The following FMNL2 variants were observed in gnomAD, a reference collection of about 807,000 sequenced individuals.
FMNL2 encodes the protein formin like 2.
In FMNL2, 51 loss-of-function variants were observed where a neutral mutation model predicts 130.2. The observed-to-expected ratio is 0.39, with a 90% CI of 0.31 to 0.49. FMNL2 has a LOEUF of 0.49. FMNL2 is among the 20% of genes least tolerant of loss of function. FMNL2 has a pLI of 0.85. For synonymous variants in FMNL2, 465 were observed against 467.1 expected (o/e 1.00, Z 0.06); for missense variants, 977 against 1,316.2 (o/e 0.74, Z 3.99).
At position 152,558,755 on chromosome 2, in the gene FMNL2, T is replaced by A. The variant is rs1338135747; in HGVS notation, c.375T>A (p.Phe125Leu). ...RTNHIGWVRE[F>L]LNEENKGLDV... ...TCCCCAACAGATGGGTCAGAGAATT[T>A]CTGAATGAAGAAAACAAAGGTCTTG... The change falls in exon 5 of 26, where the codon TTT (phenylalanine) becomes TTA (leucine). Residue 125 changes from phenylalanine (F) to leucine (L), a missense_variant. Around this residue, in one of 4 missense-constraint regions of FMNL2, gnomAD observed 689 missense variants for 995.9 expected, o/e 0.69. Coordinates refer to ENST00000288670, the MANE Select transcript of FMNL2 (RefSeq NM_052905.4). The A allele has an allele frequency of 6.2e-7, 1 of 1,613,044 alleles. No individual in the cohort carries two copies. Among genetic ancestry groups the A allele is most frequent in the Non-Finnish European group, 8.5e-7 (1 of 1,179,568 alleles).
chr2:152,540,439 A>C (rs1694246832), intron 2 of FMNL2, among the ~76,000 whole-genome samples: 1 of 152,148 alleles, frequency 6.6e-6, no homozygotes, highest in African/African-American at 2.4e-5. Flanking sequence ...GAATAATTAG[A>C]AAAAGTGTGC....
chr2:152,516,046 G>A (rs1331782915), intron 1 of FMNL2, among the ~76,000 whole-genome samples: 2 of 152,084 alleles, frequency 1.3e-5, no homozygotes, highest in African/African-American at 2.4e-5. Flanking sequence ...GTAAATCCTT[G>A]CTTGCACCGT....
At chr2:152,593,838 GGAGAGAGA>G (rs147035875) in intron 9 of FMNL2, among the ~76,000 whole-genome samples, 9 of 85,008 alleles carry the variant, frequency 1.1e-4, no homozygotes, top group Non-Finnish European at 1.6e-4. Flanking sequence ...AGGTGACTAG[GGAGAGAGA>G]GAGAGAGAGA....
At chr2:152,541,693 T>A (rs1274988366) in intron 2 of FMNL2, among the ~76,000 whole-genome samples, 1 of 152,170 alleles carries the variant, frequency 6.6e-6, no homozygotes, top group Non-Finnish European at 1.5e-5. Flanking sequence ...GTGTTACCCC[T>A]TGAGTGTGTA....
At chr2:152,448,884 T>C (rs1276571911) in intron 1 of FMNL2, among the ~76,000 whole-genome samples, 1 of 152,264 alleles carries the variant, frequency 6.6e-6, no homozygotes, top group Non-Finnish European at 1.5e-5. Flanking sequence ...CTCATGCTCT[T>C]GTCCCTTGAA....
At position 152,388,855 on chromosome 2, in the gene FMNL2, GTCTA is replaced by G. The variant is rs544806316; in HGVS notation, c.117+53137_117+53140del. On this transcript the variant is annotated intron_variant, in intron 1 of 25. Transcript: ENST00000288670. ...AATTACTGAGGTCACATCTGTGGATGTCTATGACTGTCTACTTTTTGTTTATAGA... is the reference window on the plus strand; with the variant it reads ...AATTACTGAGGTCACATCTGTGGATGTGACTGTCTACTTTTTGTTTATAGA... Among the ~76,000 whole-genome samples the G allele has an allele frequency of 6.4e-4, 97 of 152,292 alleles. No homozygotes were observed. The East Asian group carries it at 9.5e-3, about 15-fold the overall frequency.
At chr2:152,478,248 ATATTTTTTTT>A (rs1193036000) in intron 1 of FMNL2, among the ~76,000 whole-genome samples, 1 of 75,772 alleles carries the variant, frequency 1.3e-5, no homozygotes, top group Non-Finnish European at 2.8e-5. Flanking sequence ...ATATATATAT[ATATTTTTTTT>A]TTTTTTTTTT....
At chr2:152,358,355 A>G (rs183308269) in intron 1 of FMNL2, among the ~76,000 whole-genome samples, 4 of 152,206 alleles carry the variant, frequency 2.6e-5, no homozygotes, top group African/African-American at 7.2e-5. Flanking sequence ...CTGTGAGTCA[A>G]TTCTGCTAAT....
intron 1 of FMNL2, among the ~76,000 whole-genome samples, chr2:152,436,222 G>A (rs758594048): frequency 2.6e-5 from 4 of 151,830 alleles, no homozygotes; most frequent in African/African-American, 7.3e-5. Context: ...CTGGAGTGCA[G>A]TGGCACTATC....
rs747707769 is a variant in FMNL2, at chr2:152,619,077, C to T, written c.1546C>T (p.Pro516Ser). 6.2e-7 allele frequency: 1 copy of T among 1,613,262 alleles called. No individual in the cohort carries two copies. The highest frequency in any genetic ancestry group is 2.2e-5 in the East Asian group (1 of 44,856). Residue 516 changes from proline to serine, a missense_variant, in exon 14 of 26, where the codon CCC becomes TCC. This residue lies in a region of FMNL2 where 689 missense variants were observed against 995.9 expected (regional missense o/e 0.69). Coordinates refer to ENST00000288670, the MANE Select transcript of FMNL2 (RefSeq NM_052905.4). ...SEVVAGNSVG[P>S]TMGAASSGPL... is the part of the protein sequence containing the mutation. ...AGTGGTAGCAGGTAACTCTGTGGGA[C>T]CCACAATGGGGGCCGCTTCCTCAGG... is the stretch of plus-strand genomic sequence containing the variant.
At chr2:152,437,701 T>C (rs2106116966) in intron 1 of FMNL2, among the ~76,000 whole-genome samples, 1 of 152,334 alleles carries the variant, frequency 6.6e-6, no homozygotes, top group South Asian at 2.1e-4. Flanking sequence ...ATGGCTAGGA[T>C]ACCATGGTAC....
At chr2:152,456,557 G>T (rs1168269580) in intron 1 of FMNL2, among the ~76,000 whole-genome samples, 1 of 152,194 alleles carries the variant, frequency 6.6e-6, no homozygotes. Flanking sequence ...TGCTTCTGAA[G>T]AATGTGATGT....
chr2:152,461,993 T>C (rs1018176909), intron 1 of FMNL2, among the ~76,000 whole-genome samples: 2 of 152,098 alleles, frequency 1.3e-5, no homozygotes, highest in African/African-American at 4.8e-5. Flanking sequence ...CTTCCAAGTC[T>C]CAAGCAATCC....
intron 21 of FMNL2, among the ~76,000 whole-genome samples, chr2:152,634,124 CATT>C (rs748858703): frequency 6.6e-6 from 1 of 152,170 alleles, no homozygotes; most frequent in Admixed American, 6.5e-5. Context: ...AATTATCAAT[CATT>C]ATAACTAGGC....
At chr2:152,498,701 A>G (rs940970345) in intron 1 of FMNL2, among the ~76,000 whole-genome samples, 1 of 152,144 alleles carries the variant, frequency 6.6e-6, no homozygotes, top group East Asian at 1.9e-4. Flanking sequence ...TGTAACATAT[A>G]TTGTTGCTGT....
chr2:152,400,386 A>G (rs1685621517), intron 1 of FMNL2, among the ~76,000 whole-genome samples: 1 of 152,152 alleles, frequency 6.6e-6, no homozygotes, highest in South Asian at 2.1e-4. Context: ...CAGTGAGCTG[A>G]GATCGCGCCA....
At chr2:152,601,445 C>T (rs1290373529) in intron 9 of FMNL2, among the ~76,000 whole-genome samples, 16 of 151,378 alleles carry the variant, frequency 1.1e-4, no homozygotes, top group African/African-American at 3.2e-4. Context: ...GGATTACAGG[C>T]GCCTGCCACG....
At chr2:152,417,150 A>G (rs148864575) in intron 1 of FMNL2, among the ~76,000 whole-genome samples, 1 of 152,310 alleles carries the variant, frequency 6.6e-6, no homozygotes, top group East Asian at 1.9e-4. Context: ...AACAAACCAT[A>G]AGGTAGCATA....
chr2:152,643,745 G>C (rs918621710), intron 25 of FMNL2: 1 of 985,280 alleles, frequency 1.0e-6, no homozygotes, highest in African/African-American at 1.7e-5. Flanking sequence ...GTAACAGTCT[G>C]GGTGTGTTTG....
Sources: gnomAD v4.1 joint callset for allele counts (sites outside exome capture counted in the v4.1 genomes callset) on GRCh38, gnomAD v4.1.1 for gene constraint, gnomAD v4.1.1 regional missense constraint, MANE v1.5 for transcripts, NCBI Gene and HGNC (gene_info 2026-07-23, HGNC 2026-07-21) for gene names.